The following AQP7 variants were observed in gnomAD, a reference collection of about 807,000 sequenced individuals.
AQP7 encodes aquaporin-7.
AQP7 carries 22 observed loss-of-function variants against 26.1 expected under a neutral mutation model. That is an observed-to-expected ratio of 0.84 (90% CI 0.60 to 1.20). The LOEUF (loss-of-function observed/expected upper bound fraction) is 1.20, where lower values mean the gene tolerates loss of function less well. Among genes scored for constraint, AQP7 ranks in the 50% most tolerant of loss-of-function variants. The probability of loss-of-function intolerance (pLI) is 0.00; values close to 1 mark genes in which losing one functional copy is unlikely to be tolerated. For synonymous variants in AQP7, 167 were observed against 181.7 expected (o/e 0.92, Z 0.65); for missense variants, 412 against 457.5 (o/e 0.90, Z 0.91).
At chr9:33,393,728 A>G (rs999788974) in intron 3 of AQP7, 9 of 152,234 alleles carry the variant, frequency 5.9e-5, no homozygotes, top group African/African-American at 2.2e-4. Context: ...CACACTAAAG[A>G]AGAGCCCTTG....
chr9:33,395,051 C>T (rs536174500), intron 3 of AQP7, 27 bp downstream of exon 3: 2 of 1,593,230 alleles, frequency 1.3e-6, no homozygotes, highest in African/African-American at 1.3e-5. Context: ...CGGAGCCCCA[C>T]CCACTTCGTG....
At position 33,395,040 on chromosome 9, in the gene AQP7, G is replaced by C. The variant is rs976701092; in HGVS notation, c.144+38C>G. The stretch of plus-strand genomic sequence containing the variant: ...GGGGAGGGGGTCATGGACGGCCCTG[G>C]CGGAGCCCCACCCACTTCGTGCTGC... On this transcript the variant is annotated intron_variant, in intron 3 of 7. Coordinates refer to ENST00000297988, the MANE Select transcript of AQP7 (RefSeq NM_001170.3). 1.8e-5 allele frequency: 28 copies of C among 1,572,824 alleles called. No homozygotes were observed. In the Admixed American group the frequency reaches 3.7e-4, roughly 21 times the overall value.
chr9:33,390,218 A>T (rs1825260212), intron 3 of AQP7, among the ~76,000 whole-genome samples: 1 of 152,062 alleles, frequency 6.6e-6, no homozygotes, highest in Non-Finnish European at 1.5e-5. Flanking sequence ...TTATAGGCTG[A>T]GAGAGGGACA....
intron 2 of AQP7, 59 bp downstream of exon 2, chr9:33,401,178 T>C (rs1283486809): frequency 2.0e-6 from 3 of 1,530,010 alleles, no homozygotes; most frequent in Non-Finnish European, 2.7e-6. Flanking sequence ...GGGAGGGCAC[T>C]GAAGTGGGCT....
At position 33,385,301 on chromosome 9, in the gene AQP7, G is replaced by A. The variant is rs1031970138; in HGVS notation, c.744-11C>T. 6.2e-7 allele frequency: 1 copy of A among 1,604,828 alleles called. No individual in the cohort carries two copies. The highest frequency in any genetic ancestry group is 1.3e-5 in the African/African-American group (1 of 74,788). ...CAGTTCTCCCCATTGCTGCAGGCAA[G>A]AGGCAGAGGCCTGCTGAGGGGGCTG... On this transcript the variant is annotated splice_polypyrimidine_tract_variant and intron_variant, in intron 7 of 7. Transcript: ENST00000297988.
chr9:33,399,119 C>T (rs377569476), intron 2 of AQP7, among the ~76,000 whole-genome samples: 1 of 151,684 alleles, frequency 6.6e-6, no homozygotes, highest in South Asian at 2.1e-4. Context: ...GGATTTCAGG[C>T]ATGAGCCACC....
At chr9:33,398,292 G>T (rs1825995833) in intron 2 of AQP7, among the ~76,000 whole-genome samples, 1 of 151,558 alleles carries the variant, frequency 6.6e-6, no homozygotes, top group Admixed American at 6.6e-5. Flanking sequence ...GGCAGAGAGG[G>T]GCCAGGGCCA....
Position 33,387,026 on chromosome 9 carries a change from T to C in AQP7, c.211A>G (p.Asn71Asp). The change falls in exon 4 of 8, where the codon AAC becomes GAC. Residue 71 changes from asparagine (N) to aspartate (D), a missense_variant. Asn to Asp is a conservative substitution (Grantham distance 23). Transcript: ENST00000297988. ...GTGACTCCGAAGCCAAAACCCAAGT[T>C]GACACCAAGGTAGCTCCCATATTTT... Reference protein sequence around the residue: ...NKKYGSYLGVNLGFGFGVTMG... With the variant: ...NKKYGSYLGVDLGFGFGVTMG... 6.2e-7 allele frequency: 1 copy of C among 1,611,970 alleles called. No individual in the cohort carries two copies. The highest frequency in any genetic ancestry group is 8.5e-7 in the Non-Finnish European group (1 of 1,179,834).
chr9:33,399,612 A>AT (rs910002234), intron 2 of AQP7, among the ~76,000 whole-genome samples: 15 of 151,250 alleles, frequency 9.9e-5, no homozygotes, highest in East Asian at 1.9e-4. Flanking sequence ...AAAAAAAAAA[A>AT]TTTTTTTTTG....
chr9:33,394,484 CTCTTT>C (rs1279921286), intron 3 of AQP7, among the ~76,000 whole-genome samples: 10 of 125,046 alleles, frequency 8.0e-5, no homozygotes, highest in African/African-American at 1.1e-4. Context: ...ATCTCTCTCT[CTCTTT>C]TTTTTTTTTT....
At chr9:33,385,369 T>C in intron 7 of AQP7, 79 bp from the exon 8 acceptor site, 1 of 1,505,060 alleles carries the variant, frequency 6.6e-7, no homozygotes, top group Non-Finnish European at 9.0e-7. Context: ...CCAAGACAGG[T>C]TGAGCAGAGG....
Position 33,385,630 on chromosome 9 carries a change from G to C in AQP7, c.743+19C>G. On this transcript the variant is annotated intron_variant, in intron 7 of 7. Transcript: ENST00000297988. ...CCCACAGAAAAACTCAAAGGAATGG[G>C]CCTGGGCAGGGGCAGTACCTGAAGA... 6.2e-7 allele frequency: 1 copy of C among 1,612,496 alleles called. No homozygotes were observed. The highest frequency in any genetic ancestry group is 8.5e-7 in the Non-Finnish European group (1 of 1,179,604).
At chr9:33,401,143 C>T (rs2118884737) in intron 2 of AQP7, 94 bp downstream of exon 2, 1 of 1,425,838 alleles carries the variant, frequency 7.0e-7, no homozygotes, top group South Asian at 1.2e-5. Context: ...ACAGCTGCCC[C>T]AAGGGAGAGG....
In AQP7 at chr9:33,387,089, A is replaced by G. The variant is rs1824907373; in HGVS notation, c.148T>C (p.Phe50Leu). ...ATATGGGCCACGGAACCAAGGCCGA[A>G]TACCTACAAGGGAGGGCCTCTAAGG... is the stretch of plus-strand genomic sequence containing the variant. ...EFMSTYVMMV[F>L]GLGSVAHMVL... The change falls in exon 4 of 8, where the codon TTC becomes CTC. Residue 50 changes from phenylalanine (F) to leucine (L), a missense_variant. Phe to Leu is a conservative substitution (Grantham distance 22). Transcript: ENST00000297988. 1.4e-5 allele frequency: 22 copies of G among 1,611,784 alleles called. No homozygotes were observed. The highest frequency in any genetic ancestry group is 1.8e-5 in the Non-Finnish European group (21 of 1,179,702).
chr9:33,385,042 G>C lies in AQP7; in HGVS notation c.992C>G (p.Pro331Arg), dbSNP rs199871527. Residue 331 changes from proline to arginine, a missense_variant, in exon 8 of 8, where the codon CCA (proline) becomes CGA (arginine). Pro to Arg is a moderately radical substitution (Grantham distance 103, BLOSUM62 -2). Coordinates refer to ENST00000297988, the MANE Select transcript of AQP7 (RefSeq NM_001170.3). ...TAGGGCCATGGATTCATGTAAGGGT[G>C]GGGCAGGGTGGACTGAAGATCTGTT... ...PANRSSVHPA[P>R]PLHESMALEH... 3.7e-5 allele frequency: 60 copies of C among 1,611,742 alleles called. No homozygotes were observed. In the East Asian group the frequency reaches 1.3e-3, roughly 36 times the overall value.
intron 3 of AQP7, among the ~76,000 whole-genome samples, chr9:33,389,023 A>ATT (rs34391457): frequency 1.6e-4 from 18 of 111,060 alleles, no homozygotes; most frequent in Middle Eastern, 9.2e-3. Context: ...CACCCAGCCA[A>ATT]TTTTTTTTTT....
chr9:33,385,693 G>A lies in AQP7; in HGVS notation c.699C>T (p.Pro233=). The change falls in exon 7 of 8, where the codon CCC becomes CCT. Residue 233 remains proline (P), a synonymous_variant. Coordinates refer to ENST00000297988, the MANE Select transcript of AQP7 (RefSeq NM_001170.3). ...YAINPSRDLP[P]RIFTFIAGWG... Reference sequence around the variant, plus strand: ...AACCAGCAATGAAGGTGAAGATGCGGGGGGGCAGGTCCCGGGACGGGTTGA... The same window carrying A: ...AACCAGCAATGAAGGTGAAGATGCGAGGGGGCAGGTCCCGGGACGGGTTGA... 1 of 1,613,966 alleles carries A rather than the reference G, an allele frequency of 6.2e-7. No individual in the cohort carries two copies. The highest frequency in any genetic ancestry group is 8.5e-7 in the Non-Finnish European group (1 of 1,180,046).
chr9:33,386,219 C>T (rs776754349), intron 5 of AQP7, 24 bp from the exon 6 acceptor site: 37 of 1,613,562 alleles, frequency 2.3e-5, no homozygotes, highest in Admixed American at 5.0e-5. Flanking sequence ...GACTGTCATG[C>T]GAACCTGCTC....
chr9:33,393,631 G>T (rs12552638), intron 3 of AQP7, among the ~76,000 whole-genome samples: 11,923 of 152,336 alleles, frequency 0.078, 613 homozygotes, highest in Admixed American at 0.11. Context: ...TAAGGGCAGA[G>T]GCTCGCTGGG....
Sources: gnomAD v4.1 joint callset for allele counts (sites outside exome capture counted in the v4.1 genomes callset) on GRCh38, gnomAD v4.1.1 for gene constraint, MANE v1.5 for transcripts, NCBI Gene and HGNC (gene_info 2026-07-23, HGNC 2026-07-21) for gene names.